The following HAO1 variants were observed in gnomAD, a reference collection of about 807,000 sequenced individuals.
HAO1 encodes 2-Hydroxyacid oxidase 1.
Under a neutral mutation model 39.7 loss-of-function variants are expected in HAO1, and 34 were observed. The ratio of observed to expected loss-of-function variants is 0.86; its 90% CI spans 0.65 to 1.14. The LOEUF (loss-of-function observed/expected upper bound fraction) is 1.14. Ranked by LOEUF, HAO1 falls within the 50% of genes most tolerant of loss-of-function variation. The pLI is 0.00. For synonymous variants in HAO1, 172 were observed against 173.2 expected (o/e 0.99, Z 0.05); for missense variants, 479 against 464.5 (o/e 1.03, Z -0.29).
chr20:7,939,574 C>T (rs779852791), intron 1 of HAO1, among the ~76,000 whole-genome samples: 1 of 152,190 alleles, frequency 6.6e-6, no homozygotes, highest in South Asian at 2.1e-4. Context: ...GAAGGCACTC[C>T]TCTCTTGCTC....
chr20:7,926,334 T>C (rs2050359155), intron 2 of HAO1, among the ~76,000 whole-genome samples: 1 of 152,130 alleles, frequency 6.6e-6, no homozygotes, highest in Non-Finnish European at 1.5e-5. Flanking sequence ...TGACAGGCAC[T>C]CCACTTCAGA....
chr20:7,898,029 G>A (rs890973465), intron 4 of HAO1, among the ~76,000 whole-genome samples: 1 of 152,084 alleles, frequency 6.6e-6, no homozygotes, highest in Non-Finnish European at 1.5e-5. Flanking sequence ...ATGTCATATT[G>A]GAAATGCCAC....
intron 5 of HAO1, among the ~76,000 whole-genome samples, chr20:7,886,835 T>C (rs2050153355): frequency 6.6e-6 from 1 of 152,172 alleles, no homozygotes. Flanking sequence ...TTTCTGAGCA[T>C]AGGCCTTAAG....
intron 1 of HAO1, among the ~76,000 whole-genome samples, chr20:7,938,579 A>G (rs2050424581): frequency 6.6e-6 from 1 of 152,208 alleles, no homozygotes; most frequent in Admixed American, 6.5e-5. Flanking sequence ...GAAGTCACCA[A>G]GCCTTCTATG....
chr20:7,911,105 G>C (rs766718080), intron 3 of HAO1, among the ~76,000 whole-genome samples: 1 of 152,178 alleles, frequency 6.6e-6, no homozygotes, highest in Non-Finnish European at 1.5e-5. Context: ...AAGAACCGCA[G>C]GGAAGCCAGA....
intron 2 of HAO1, among the ~76,000 whole-genome samples, chr20:7,923,399 A>G (rs1159625540): frequency 6.6e-6 from 1 of 152,202 alleles, no homozygotes; most frequent in Non-Finnish European, 1.5e-5. Context: ...GATGTGAAGA[A>G]GCAAAAATAG....
At position 7,939,191 on chromosome 20, in the gene HAO1, G is replaced by A. The variant is rs377195664; in HGVS notation, c.137+1095C>T. Among the ~76,000 whole-genome samples the A allele has an allele frequency of 7.2e-4, 110 of 152,160 alleles. 3 individuals are homozygous for A. Among genetic ancestry groups the A allele is most frequent in the East Asian group, 6.6e-3 (34 of 5,176 alleles). ...CAACTTCCCTTCCCATGACTTCCCTGGCATTTGTTGAGCTCATTTGGGTTC... is the reference window on the plus strand; with the variant it reads ...CAACTTCCCTTCCCATGACTTCCCTAGCATTTGTTGAGCTCATTTGGGTTC... On this transcript the variant is annotated intron_variant, in intron 1 of 7. Transcript: ENST00000378789.
In HAO1 at chr20:7,940,444, C is replaced by T. The variant is rs1321848133; in HGVS notation, c.-22G>A. The T allele has an allele frequency of 1.3e-6, 2 of 1,576,176 alleles. No individual in the cohort carries two copies. Among genetic ancestry groups the T allele is most frequent in the Non-Finnish European group, 1.7e-6 (2 of 1,168,900 alleles). On this transcript the variant is annotated 5_prime_UTR_variant, in exon 1 of 8. Transcript: ENST00000378789. Reference sequence around the variant, plus strand: ...GCATTTTCACAGGTTATTGCTATCCCAGATGGAGTTCGTTGTTTTTTTTTT... The same window carrying T: ...GCATTTTCACAGGTTATTGCTATCCTAGATGGAGTTCGTTGTTTTTTTTTT...
intron 2 of HAO1, among the ~76,000 whole-genome samples, chr20:7,918,641 C>A (rs910343856): frequency 6.6e-6 from 1 of 152,146 alleles, no homozygotes; most frequent in Admixed American, 6.6e-5. Context: ...CCTGTTAGAG[C>A]GCTAGAGACC....
At chr20:7,919,734 G>A (rs2050322572) in intron 2 of HAO1, among the ~76,000 whole-genome samples, 1 of 152,098 alleles carries the variant, frequency 6.6e-6, no homozygotes, top group Non-Finnish European at 1.5e-5. Context: ...AATTGTAAAG[G>A]GTAAGGTGAG....
At chr20:7,915,049 G>A (rs1008553037) in intron 2 of HAO1, among the ~76,000 whole-genome samples, 5 of 152,188 alleles carry the variant, frequency 3.3e-5, no homozygotes, top group African/African-American at 4.8e-5. Context: ...GAACCTAGGA[G>A]GAAGAGGTTG....
chr20:7,940,156 C>T (rs2050434065), intron 1 of HAO1, 130 bp downstream of exon 1: 2 of 659,000 alleles, frequency 3.0e-6, no homozygotes, highest in Non-Finnish European at 4.7e-6. Context: ...GCCCCAAGAA[C>T]TTTTCCCTCT....
At chr20:7,926,891 A>G (rs2050361757) in intron 2 of HAO1, among the ~76,000 whole-genome samples, 1 of 151,790 alleles carries the variant, frequency 6.6e-6, no homozygotes, top group African/African-American at 2.4e-5. Context: ...GTTTAATAAG[A>G]ATTTGCTAAT....
rs749171756 is a variant in HAO1, at chr20:7,909,360, C to CATATATATATATATAT, written c.546-3047_546-3032dup. ...AATGCTATTTTTATTCGGATTATGA[C>CATATATATATATATAT]ATATATATATATATATATGTATATA... is the stretch of plus-strand genomic sequence containing the variant. On this transcript the variant is annotated intron_variant, in intron 3 of 7. Transcript: ENST00000378789. Among the ~76,000 whole-genome samples, 360 of 108,976 alleles carry CATATATATATATATAT rather than the reference C, an allele frequency of 3.3e-3. 20 individuals are homozygous for CATATATATATATATAT. The highest frequency in any genetic ancestry group is 0.011 in the African/African-American group (252 of 22,120). The allele number at this position is 108,976 out of a possible 152,430, so 71.5% of individuals were successfully genotyped here.
At chr20:7,929,718 G>A (rs374654222) in intron 2 of HAO1, among the ~76,000 whole-genome samples, 3 of 152,150 alleles carry the variant, frequency 2.0e-5, no homozygotes, top group South Asian at 2.1e-4. Flanking sequence ...CAAAAAATTA[G>A]CCAGCCGTCG....
At position 7,914,420 on chromosome 20, in the gene HAO1, C is replaced by G; in HGVS notation, c.290-1G>C. ...ATGCCCGTTCCCAGGGACTGACAGG[C>G]TGAGAAAGAAAGGGGATGATCAAGA... On this transcript the variant is annotated splice_acceptor_variant, in intron 2 of 7. Transcript: ENST00000378789. LOFTEE classifies it high-confidence loss of function. The G allele has an allele frequency of 2.5e-6, 4 of 1,612,632 alleles. No individual in the cohort carries two copies. The highest frequency in any genetic ancestry group is 3.4e-6 in the Non-Finnish European group (4 of 1,179,144).
At chr20:7,935,221 A>T (rs2050404753) in intron 1 of HAO1, among the ~76,000 whole-genome samples, 1 of 152,216 alleles carries the variant, frequency 6.6e-6, no homozygotes, top group African/African-American at 2.4e-5. Flanking sequence ...ATATTCCATC[A>T]TACAGGGGTA....
intron 2 of HAO1, among the ~76,000 whole-genome samples, chr20:7,934,247 T>G (rs2050399405): frequency 6.6e-6 from 1 of 152,184 alleles, no homozygotes; most frequent in South Asian, 2.1e-4. Context: ...GGTACAATTT[T>G]TGTCCCTATT....
intron 2 of HAO1, among the ~76,000 whole-genome samples, chr20:7,915,129 A>T (rs2050300937): frequency 6.6e-6 from 1 of 150,632 alleles, no homozygotes; most frequent in Admixed American, 6.6e-5. Flanking sequence ...TCAAAAAAAA[A>T]TAATATTATT....
Sources: allele counts gnomAD v4.1 joint callset (sites outside exome capture counted in the v4.1 genomes callset), GRCh38; gene constraint gnomAD v4.1.1; transcripts MANE v1.5; gene names NCBI Gene and HGNC (gene_info 2026-07-23, HGNC 2026-07-21).